The following DYNC1H1 variants were observed in gnomAD, a reference collection of about 807,000 sequenced individuals.
The protein encoded by DYNC1H1 is dynein cytoplasmic 1 heavy chain 1.
DYNC1H1 carries 51 observed loss-of-function variants against 527.1 expected under a neutral mutation model. That is an observed-to-expected ratio of 0.10 (90% CI 0.08 to 0.12). DYNC1H1 has a LOEUF of 0.12. Among genes scored for constraint, DYNC1H1 ranks in the 10% least tolerant of loss-of-function variants. The pLI is 1.00. For synonymous variants in DYNC1H1, 2,189 were observed against 2,278.8 expected (o/e 0.96, Z 1.12); for missense variants, 2,771 against 5,971.8 (o/e 0.46, Z 17.66).
intron 72 of DYNC1H1, among the ~76,000 whole-genome samples, chr14:102,045,950 A>C (rs1182682844): frequency 6.6e-6 from 1 of 152,068 alleles, no homozygotes; most frequent in African/African-American, 2.4e-5. Context: ...GCGGATCACA[A>C]GGTCAGGAGA....
Position 102,040,310 on chromosome 14 carries a change from CCAGGA to C in DYNC1H1, c.11766_11770del (p.Arg3923ProfsTer21). 1.2e-6 allele frequency: 2 copies of C among 1,614,184 alleles called. No individual in the cohort carries two copies. The highest frequency in any genetic ancestry group is 1.7e-6 in the Non-Finnish European group (2 of 1,180,044). ...ATTGTCCTGAGTGCTGGCTCCACCC[CCAGGA>C]TCCAGGGCCTGACTGTGGAGCAGGC... is the stretch of plus-strand genomic sequence containing the variant. On this transcript the variant is annotated frameshift_variant, in exon 63 of 78. Coordinates refer to ENST00000360184, the MANE Select transcript of DYNC1H1 (RefSeq NM_001376.5). LOFTEE classifies it high-confidence loss of function.
At position 102,019,860 on chromosome 14, in the gene DYNC1H1, T is replaced by G. The variant is rs185219090; in HGVS notation, c.8344-33T>G. On this transcript the variant is annotated intron_variant, in intron 41 of 77. Coordinates refer to ENST00000360184, the MANE Select transcript of DYNC1H1 (RefSeq NM_001376.5). ...CCACTTCTCTGTGTCTTAAGATATTTACGTGTACCTTCCATTTTTCTCATT... is the reference window on the plus strand; with the variant it reads ...CCACTTCTCTGTGTCTTAAGATATTGACGTGTACCTTCCATTTTTCTCATT... 13 of 1,613,912 alleles carry G rather than the reference T, an allele frequency of 8.1e-6. No homozygotes were observed. In the Admixed American group the frequency reaches 2.2e-4, roughly 27 times the overall value.
Position 102,001,041 on chromosome 14 carries a change from A to C in DYNC1H1, c.4162A>C (p.Arg1388=). The change falls in exon 19 of 78, where the codon AGG becomes CGG. Residue 1388 remains arginine (R), a synonymous_variant. Coordinates refer to ENST00000360184, the MANE Select transcript of DYNC1H1 (RefSeq NM_001376.5). The surrounding 1 kb of genome is among the most constrained non-coding windows in gnomAD (Gnocchi z 5.0). ...GTATGCGTCCTATGAGTTTGTTCAG[A>C]GGCTTCTGAAAGGTTACATGAAGGT... ...RQYASYEFVQ[R]LLKGYMKINM... 1.9e-6 allele frequency: 3 copies of C among 1,614,190 alleles called. No individual in the cohort carries two copies. Among genetic ancestry groups the C allele is most frequent in the Admixed American group, 1.7e-5 (1 of 60,026 alleles).
At position 102,016,210 on chromosome 14, in the gene DYNC1H1, A is replaced by AG; in HGVS notation, c.7473+128dup. ...CCTAGGCGAGGCAGAGCCTTCGTTG[A>AG]GGGGCTAGGAAAGGTGCAGTGGGTG... is the stretch of plus-strand genomic sequence containing the variant. On this transcript the variant is annotated intron_variant, in intron 36 of 77. Transcript: ENST00000360184. This position sits in a 1 kb window ranked among gnomAD's most constrained non-coding sequence, Gnocchi z 7.3. 1 of 1,503,238 alleles carries AG rather than the reference A, an allele frequency of 6.7e-7. No individual in the cohort carries two copies. Among genetic ancestry groups the AG allele is most frequent in the Non-Finnish European group, 9.1e-7 (1 of 1,103,856 alleles). The allele number at this position is 1,503,238 out of a possible 1,614,324, so 93.1% of individuals were successfully genotyped here. A position where few individuals can be genotyped will look rare whatever the true frequency, so the allele number is the denominator to read the frequency against.
intron 1 of DYNC1H1, among the ~76,000 whole-genome samples, chr14:101,970,613 G>A (rs1466782223): frequency 6.6e-6 from 1 of 150,804 alleles, no homozygotes; most frequent in Non-Finnish European, 1.5e-5. Flanking sequence ...CTCCTAAGTA[G>A]CTGGGATTAC....
intron 16 of DYNC1H1, 25 bp from the exon 17 acceptor site, chr14:101,999,964 T>C (rs1016509268): frequency 1.2e-5 from 20 of 1,613,972 alleles, no homozygotes; most frequent in African/African-American, 9.3e-5. Context: ...TGTGCTCCAA[T>C]TCTCTGTGCT....
rs779576586 is a variant in DYNC1H1 at position 102,002,677 on chromosome 14, G to C, written c.4683G>C (p.Leu1561=). 1 of 1,614,250 alleles carries C rather than the reference G, an allele frequency of 6.2e-7. No individual in the cohort carries two copies. Among genetic ancestry groups the C allele is most frequent in the South Asian group, 1.1e-5 (1 of 91,088 alleles). Residue 1561 remains leucine, a synonymous_variant, in exon 22 of 78, where the codon CTG becomes CTC. Coordinates refer to ENST00000360184, the MANE Select transcript of DYNC1H1 (RefSeq NM_001376.5). The surrounding 1 kb of genome is among the most constrained non-coding windows in gnomAD (Gnocchi z 4.4). ...GCAGTGCAGATATCAAGCACCTGCTGCCAGTGGAAACCCAGCGGTTTCAGA... is the reference window on the plus strand; with the variant it reads ...GCAGTGCAGATATCAAGCACCTGCTCCCAGTGGAAACCCAGCGGTTTCAGA... ...FTGSADIKHL[L]PVETQRFQSI...
chr14:102,048,346 C>G, intron 73 of DYNC1H1, 170 bp from the exon 74 acceptor site: 1 of 953,138 alleles, frequency 1.0e-6, no homozygotes, highest in Non-Finnish European at 1.6e-6. Flanking sequence ...TGAGCAGCCT[C>G]AGCTTCACAC....
chr14:102,018,274 A>G lies in DYNC1H1; in HGVS notation c.8178-177A>G, dbSNP rs1445789973. On this transcript the variant is annotated intron_variant, in intron 40 of 77. Coordinates refer to ENST00000360184, the MANE Select transcript of DYNC1H1 (RefSeq NM_001376.5). This position sits in a 1 kb window ranked among gnomAD's most constrained non-coding sequence, Gnocchi z 5.2. Reference sequence around the variant, plus strand: ...TTTTCCATCGACTGTTGTGTGTCAGACCCCAAGCCTGAGCAGCGTGTGTGT... The same window carrying G: ...TTTTCCATCGACTGTTGTGTGTCAGGCCCCAAGCCTGAGCAGCGTGTGTGT... 6.6e-6 allele frequency among the ~76,000 whole-genome samples: 1 copy of G among 152,114 alleles called. No individual in the cohort carries two copies. The highest frequency in any genetic ancestry group is 1.5e-5 in the Non-Finnish European group (1 of 68,022).
chr14:102,005,280 C>G lies in DYNC1H1; in HGVS notation c.5433+44C>G, dbSNP rs760810610. ...TCCTTCCTTACCAGTTAGACTCTTA[C>G]ACCCTCAACCACACAGTTAAATGGA... On this transcript the variant is annotated intron_variant, in intron 26 of 77. Transcript: ENST00000360184. The surrounding 1 kb of genome is among the most constrained non-coding windows in gnomAD (Gnocchi z 4.0). 5.0e-6 allele frequency: 8 copies of G among 1,606,974 alleles called. No individual in the cohort carries two copies. In the South Asian group the frequency reaches 7.7e-5, roughly 15 times the overall value.
Position 102,010,397 on chromosome 14 carries a change from A to C in DYNC1H1, c.6343A>C (p.Lys2115Gln), listed in dbSNP as rs2152577826. 1 of 1,614,168 alleles carries C rather than the reference A, an allele frequency of 6.2e-7. No homozygotes were observed. Among genetic ancestry groups the C allele is most frequent in the Admixed American group, 1.7e-5 (1 of 60,022 alleles). The change falls in exon 31 of 78, where the codon AAA becomes CAA. Residue 2115 changes from lysine (K) to glutamine (Q), a missense_variant. Physicochemically the swap from Lys to Gln is moderately conservative, Grantham distance 53 (BLOSUM62 1). Coordinates refer to ENST00000360184, the MANE Select transcript of DYNC1H1 (RefSeq NM_001376.5). The surrounding 1 kb of genome is among the most constrained non-coding windows in gnomAD (Gnocchi z 6.0). Reference sequence around the variant, plus strand: ...GAGAATCCAGAAGATAAAGAGGGAGAAAGAGGAACGAGGGGAAGCAGTTGA... The same window carrying C: ...GAGAATCCAGAAGATAAAGAGGGAGCAAGAGGAACGAGGGGAAGCAGTTGA... ...RERIQKIKRE[K>Q]EERGEAVDEG... is the part of the protein sequence containing the mutation.
intron 23 of DYNC1H1, 51 bp from the exon 24 acceptor site, chr14:102,004,467 C>G: frequency 6.4e-7 from 1 of 1,554,274 alleles, no homozygotes; most frequent in Non-Finnish European, 8.7e-7. Context: ...CTTGATTCAC[C>G]TTATATGTGT....
chr14:102,017,922 C>T lies in DYNC1H1; in HGVS notation c.8177+418C>T, dbSNP rs17512488. The T allele has an allele frequency of 0.016, 4,673 of 301,356 alleles. 65 individuals are homozygous for T. The highest frequency in any genetic ancestry group is 0.028 in the Middle Eastern group (23 of 830). The allele number at this position is 301,356 out of a possible 1,614,324, so 18.7% of individuals were successfully genotyped here. ...GAGGTTGAGGCCATCCTGGCTAACA[C>T]GGTGAAACCCCATCTCTACTAAAAA... is the stretch of plus-strand genomic sequence containing the variant. On this transcript the variant is annotated intron_variant, in intron 40 of 77. Coordinates refer to ENST00000360184, the MANE Select transcript of DYNC1H1 (RefSeq NM_001376.5). The surrounding 1 kb of genome is among the most constrained non-coding windows in gnomAD (Gnocchi z 4.6).
Position 102,039,949 on chromosome 14 carries a change from T to C in DYNC1H1, c.11690+217T>C, listed in dbSNP as rs1270317239. On this transcript the variant is annotated intron_variant, in intron 62 of 77. Coordinates refer to ENST00000360184, the MANE Select transcript of DYNC1H1 (RefSeq NM_001376.5). This position sits in a 1 kb window ranked among gnomAD's most constrained non-coding sequence, Gnocchi z 7.0. ...ACCTCCCAGGTTCAAGCAATTCTCCTGCTTCAGTCTCCGAAGTAGCTAGGA... is the reference window on the plus strand; with the variant it reads ...ACCTCCCAGGTTCAAGCAATTCTCCCGCTTCAGTCTCCGAAGTAGCTAGGA... Among the ~76,000 whole-genome samples the C allele has an allele frequency of 6.6e-6, 1 of 152,244 alleles. No individual in the cohort carries two copies. The highest frequency in any genetic ancestry group is 1.5e-5 in the Non-Finnish European group (1 of 68,032).
intron 5 of DYNC1H1, 42 bp downstream of exon 5, chr14:101,980,592 C>G (rs1566996758): frequency 2.5e-6 from 4 of 1,602,942 alleles, no homozygotes; most frequent in Non-Finnish European, 3.4e-6. Flanking sequence ...AGTTATTGAT[C>G]TGGCTTTTAC....
Position 102,005,113 on chromosome 14 carries a change from C to T in DYNC1H1, c.5310C>T (p.Gly1770=), listed in dbSNP as rs34013442. Residue 1770 remains glycine (G), a synonymous_variant, in exon 26 of 78, where the codon GGC becomes GGT. Transcript: ENST00000360184. The surrounding 1 kb of genome is among the most constrained non-coding windows in gnomAD (Gnocchi z 4.0). The part of the protein sequence containing the change: ...ENVETALSSM[G]GGGDAAPLHS... ...TGGAGACCGCACTGAGCAGCATGGG[C>T]GGAGGTGGAGATGCCGCGCCCTTGC... 208 of 1,614,126 alleles carry T rather than the reference C, an allele frequency of 1.3e-4. No homozygotes were observed. The African/African-American group carries it at 2.4e-3, about 18-fold the overall frequency.
At chr14:101,981,910 G>T (rs1452927520) in intron 5 of DYNC1H1, among the ~76,000 whole-genome samples, 1 of 152,080 alleles carries the variant, frequency 6.6e-6, no homozygotes, top group Admixed American at 6.5e-5. Context: ...ATGTTTTCAA[G>T]GATAAAATTT....
chr14:101,985,385 C>T lies in DYNC1H1; in HGVS notation c.1462-302C>T, dbSNP rs368547864. Among the ~76,000 whole-genome samples, 26 of 152,052 alleles carry T rather than the reference C, an allele frequency of 1.7e-4. No individual in the cohort carries two copies. The East Asian group carries it at 2.3e-3, about 14-fold the overall frequency. On this transcript the variant is annotated intron_variant, in intron 7 of 77. Transcript: ENST00000360184. This position sits in a 1 kb window ranked among gnomAD's most constrained non-coding sequence, Gnocchi z 5.9. ...TGTCGCCCAGGCTGGAGTGCAGTGGCGTGATCTTGGCTCACTGCAACCTCT... is the reference window on the plus strand; with the variant it reads ...TGTCGCCCAGGCTGGAGTGCAGTGGTGTGATCTTGGCTCACTGCAACCTCT...
chr14:101,989,318 A>T lies in DYNC1H1; in HGVS notation c.2868+466A>T, dbSNP rs17512117. On this transcript the variant is annotated intron_variant, in intron 10 of 77. Coordinates refer to ENST00000360184, the MANE Select transcript of DYNC1H1 (RefSeq NM_001376.5). ...TCAGTGTTCAGACCATGACATTGAA[A>T]CGTACTCCACTGTTTTAACAAAGGT... Among the ~76,000 whole-genome samples the T allele has an allele frequency of 5.5e-3, 837 of 152,332 alleles. 17 individuals carry two copies. The highest frequency in any genetic ancestry group is 0.036 in the East Asian group (189 of 5,190).
Sources: allele counts gnomAD v4.1 joint callset (sites outside exome capture counted in the v4.1 genomes callset), GRCh38; gene constraint gnomAD v4.1.1; non-coding constraint Gnocchi (gnomAD v3.1); transcripts MANE v1.5; gene names NCBI Gene and HGNC (gene_info 2026-07-23, HGNC 2026-07-21).